The following DYSF variants were observed in gnomAD, a reference collection of about 807,000 sequenced individuals.
DYSF encodes the protein dystrophy-associated fer-1-like 1.
In DYSF, 212 loss-of-function variants were observed where a neutral mutation model predicts 274.9. The observed-to-expected ratio is 0.77, with a 90% CI of 0.69 to 0.86. The LOEUF is 0.86. Among genes scored for constraint, DYSF ranks in the 40% least tolerant of loss-of-function variants. DYSF has a pLI of 0.00. For missense variants in DYSF, 2,666 were observed against 2,783.2 expected, an observed-to-expected ratio of 0.96 and a Z score of 0.95; for synonymous variants, 1,091 against 1,078.7, an observed-to-expected ratio of 1.01 and a Z score of -0.22.
chr2:71,683,166 T>C (rs542805748), intron 55 of DYSF, among the ~76,000 whole-genome samples: 152 of 152,226 alleles, frequency 1.0e-3, no homozygotes, highest in Admixed American at 2.9e-3. Context: ...AGGCACTCAA[T>C]AGAGTGTGTC....
chr2:71,607,143 G>A (rs1299473891), intron 36 of DYSF, among the ~76,000 whole-genome samples: 3 of 152,186 alleles, frequency 2.0e-5, no homozygotes, highest in Non-Finnish European at 4.4e-5. Flanking sequence ...GAGCTACGGG[G>A]GTACTTAAGC....
At chr2:71,661,698 C>T (rs1425374454) in intron 45 of DYSF, among the ~76,000 whole-genome samples, 1 of 152,166 alleles carries the variant, frequency 6.6e-6, no homozygotes, top group Non-Finnish European at 1.5e-5. Context: ...GGGAGGGTGG[C>T]AGCTATTTCT....
chr2:71,519,620 C>T (rs558075866), intron 10 of DYSF, among the ~76,000 whole-genome samples: 1 of 151,752 alleles, frequency 6.6e-6, no homozygotes, highest in Admixed American at 6.6e-5. Flanking sequence ...GCAGGGATAA[C>T]ATAGTCCTAT....
chr2:71,554,035 CA>C (rs2091161669), intron 21 of DYSF, 104 bp downstream of exon 21: 15 of 1,538,944 alleles, frequency 9.7e-6, no homozygotes, highest in African/African-American at 1.4e-5. Flanking sequence ...CACACTGACA[CA>C]CGGCTGTGCC....
chr2:71,684,892 G>C (rs1381428462), intron 55 of DYSF, among the ~76,000 whole-genome samples: 1 of 152,176 alleles, frequency 6.6e-6, no homozygotes, highest in Non-Finnish European at 1.5e-5. Context: ...GCCTTCTGTG[G>C]CTGGGACTGT....
chr2:71,583,733 G>A (rs542577930), intron 30 of DYSF, among the ~76,000 whole-genome samples: 2 of 152,294 alleles, frequency 1.3e-5, no homozygotes, highest in African/African-American at 2.4e-5. Context: ...TGGTGGGCTC[G>A]ATCTTGGTAC....
intron 6 of DYSF, 37 bp downstream of exon 6, chr2:71,513,369 C>G: frequency 6.5e-7 from 1 of 1,532,742 alleles, no homozygotes; most frequent in Non-Finnish European, 8.8e-7. Flanking sequence ...ATCCCAGACC[C>G]TCCCTGTAAC....
chr2:71,487,510 T>C (rs960690179), intron 3 of DYSF, among the ~76,000 whole-genome samples: 2 of 152,082 alleles, frequency 1.3e-5, no homozygotes, highest in South Asian at 2.1e-4. Context: ...TGCTGGCATT[T>C]TGTTGTTGTT....
At chr2:71,488,258 A>G (rs1471684029) in intron 3 of DYSF, among the ~76,000 whole-genome samples, 2 of 152,258 alleles carry the variant, frequency 1.3e-5, no homozygotes, top group African/African-American at 2.4e-5. Context: ...TATGCAAAAC[A>G]TATCAACACA....
At chr2:71,544,350 AGTGCTCTT>A (rs747013494) in intron 17 of DYSF, among the ~76,000 whole-genome samples, 5 of 152,056 alleles carry the variant, frequency 3.3e-5, no homozygotes, top group Admixed American at 2.0e-4. Context: ...GACTCTACCC[AGTGCTCTT>A]GAAGCTGGAG....
At chr2:71,662,822 A>G (rs55868229) in intron 45 of DYSF, among the ~76,000 whole-genome samples, 1 of 141,398 alleles carries the variant, frequency 7.1e-6, no homozygotes, top group Admixed American at 7.1e-5. Context: ...GTGTGTGTAT[A>G]TGTGCATTTG....
intron 32 of DYSF, among the ~76,000 whole-genome samples, chr2:71,597,535 T>C (rs546200834): frequency 6.6e-6 from 1 of 152,326 alleles, no homozygotes; most frequent in South Asian, 2.1e-4. Flanking sequence ...CCGGCCCTGC[T>C]GAATCCGAGT....
At chr2:71,681,152 G>A (rs1375025186) in intron 54 of DYSF, 42 bp downstream of exon 54, 46 of 1,581,190 alleles carry the variant, frequency 2.9e-5, no homozygotes, top group African/African-American at 5.4e-5. Flanking sequence ...ACAGGTCTGG[G>A]GGTATAGGCC....
intron 42 of DYSF, among the ~76,000 whole-genome samples, chr2:71,649,523 C>T (rs2094620744): frequency 6.6e-6 from 1 of 151,878 alleles, no homozygotes; most frequent in Non-Finnish European, 1.5e-5. Context: ...AGTAGGGACC[C>T]CATAAATACT....
chr2:71,609,276 G>A (rs772026646), intron 36 of DYSF, among the ~76,000 whole-genome samples: 7 of 152,202 alleles, frequency 4.6e-5, no homozygotes, highest in African/African-American at 9.6e-5. Flanking sequence ...CTTATCAGAC[G>A]GTCAGGAATG....
chr2:71,474,529 T>C (rs1430932409), intron 1 of DYSF, among the ~76,000 whole-genome samples: 4 of 152,246 alleles, frequency 2.6e-5, no homozygotes, highest in African/African-American at 9.6e-5. Flanking sequence ...GATGAGGAAC[T>C]ATTTTCTTAA....
chr2:71,578,344 G>A (rs1342928333), intron 30 of DYSF, among the ~76,000 whole-genome samples: 1 of 152,190 alleles, frequency 6.6e-6, no homozygotes, highest in Non-Finnish European at 1.5e-5. Context: ...GCTGGGAGGT[G>A]TGTGGCCAGG....
At chr2:71,553,997 G>A (rs919670216) in intron 21 of DYSF, 66 bp downstream of exon 21, 9 of 1,611,240 alleles carry the variant, frequency 5.6e-6, no homozygotes, top group Non-Finnish European at 7.6e-6. Flanking sequence ...GCTGCATGGG[G>A]TGTCTCAGAC....
intron 4 of DYSF, among the ~76,000 whole-genome samples, chr2:71,506,390 C>T (rs565531864): frequency 5.9e-5 from 9 of 152,232 alleles, no homozygotes; most frequent in Non-Finnish European, 7.4e-5. Context: ...AGGCAGCAGA[C>T]GAGGGCGACC....
Sources: gnomAD v4.1 joint callset for allele counts (sites outside exome capture counted in the v4.1 genomes callset) on GRCh38, gnomAD v4.1.1 for gene constraint, MANE v1.5 for transcripts, NCBI Gene and HGNC (gene_info 2026-07-23, HGNC 2026-07-21) for gene names.